Variants in SPMAP2L observed in about 807,000 individuals in gnomAD.
SPMAP2L encodes sperm microtubule associated protein 2-like.
chr4:56,549,442 T>C, the SPMAP2L span, among the ~76,000 whole-genome samples: 5 of 152,176 alleles, frequency 3.3e-5, no homozygotes, highest in Admixed American at 2.6e-4. Flanking sequence ...CCAATCTCCC[T>C]TGCCTCTAAT....
chr4:56,598,516 G>A, the SPMAP2L span, among the ~76,000 whole-genome samples: 1 of 152,094 alleles, frequency 6.6e-6, no homozygotes, highest in African/African-American at 2.4e-5. Flanking sequence ...CCTGGCCAGG[G>A]AAGATCTCCT....
chr4:56,561,446 C>T, the SPMAP2L span, among the ~76,000 whole-genome samples: 7 of 152,180 alleles, frequency 4.6e-5, no homozygotes, highest in East Asian at 1.9e-4. Flanking sequence ...GGCATCTGCT[C>T]GGCTTCTGGT....
At chr4:56,584,258 C>T in the SPMAP2L span, among the ~76,000 whole-genome samples, 1 of 152,122 alleles carries the variant, frequency 6.6e-6, no homozygotes, top group African/African-American at 2.4e-5. Flanking sequence ...TGTTGGGATG[C>T]CTGTTGGGAT....
chr4:56,617,232 T>C, the SPMAP2L span, among the ~76,000 whole-genome samples: 1 of 152,198 alleles, frequency 6.6e-6, no homozygotes, highest in African/African-American at 2.4e-5. Context: ...CTGGATACTG[T>C]AGGCAATTTT....
the SPMAP2L span, among the ~76,000 whole-genome samples, chr4:56,581,648 C>T: frequency 6.6e-6 from 1 of 151,850 alleles, no homozygotes; most frequent in East Asian, 1.9e-4. Flanking sequence ...TTCCAGCTTC[C>T]TTTTTTTCAT....
At chr4:56,596,743 G>T in the SPMAP2L span, 1 of 1,199,830 alleles carries the variant, frequency 8.3e-7, no homozygotes, top group Non-Finnish European at 1.1e-6. Context: ...AATCTGGGAA[G>T]AGTGGTCTGT....
At chr4:56,530,842 G>T in the SPMAP2L span, 49 of 1,535,204 alleles carry the variant, frequency 3.2e-5, no homozygotes, top group South Asian at 3.0e-4. Flanking sequence ...CGAGAAACAC[G>T]AGAATCCCGA....
the SPMAP2L span, chr4:56,594,103 C>A: frequency 6.2e-7 from 1 of 1,606,906 alleles, no homozygotes; most frequent in Non-Finnish European, 8.5e-7. Context: ...AAGATCTGGA[C>A]GATTTGTTGC....
At chr4:56,577,088 C>T in the SPMAP2L span, among the ~76,000 whole-genome samples, 2 of 150,212 alleles carry the variant, frequency 1.3e-5, no homozygotes, top group African/African-American at 5.1e-5. Context: ...GACTTCTGTG[C>T]TTTCAAATTA....
chr4:56,580,195 A>G, the SPMAP2L span, among the ~76,000 whole-genome samples: 1,038 of 152,250 alleles, frequency 6.8e-3, 14 homozygotes, highest in African/African-American at 0.024. Context: ...AGCAAACCAA[A>G]TCCAAATGTA....
the SPMAP2L span, among the ~76,000 whole-genome samples, chr4:56,550,274 C>T: frequency 6.6e-6 from 1 of 151,966 alleles, no homozygotes; most frequent in South Asian, 2.1e-4. Flanking sequence ...AGGTGTGAAC[C>T]ACCACACCTG....
the SPMAP2L span, chr4:56,548,648 A>G: frequency 2.3e-6 from 1 of 441,612 alleles, no homozygotes; most frequent in Non-Finnish European, 3.9e-6. Context: ...TTATTTTGGT[A>G]CATACTATGA....
the SPMAP2L span, among the ~76,000 whole-genome samples, chr4:56,567,166 G>T: frequency 1.3e-5 from 2 of 151,824 alleles, no homozygotes; most frequent in Non-Finnish European, 2.9e-5. Flanking sequence ...ATATTTACCG[G>T]CATTCTTACC....
At chr4:56,567,205 A>G in the SPMAP2L span, among the ~76,000 whole-genome samples, 2 of 151,926 alleles carry the variant, frequency 1.3e-5, no homozygotes, top group Admixed American at 1.3e-4. Context: ...TCCTTTGTGT[A>G]GATCTATTAA....
the SPMAP2L span, chr4:56,594,781 G>T: frequency 6.6e-7 from 1 of 1,522,058 alleles, no homozygotes; most frequent in Non-Finnish European, 9.1e-7. Flanking sequence ...TGTTTGAAGA[G>T]AACATCAGTG....
chr4:56,594,437 C>A, the SPMAP2L span: 62 of 1,604,042 alleles, frequency 3.9e-5, no homozygotes, highest in Non-Finnish European at 5.2e-5. Flanking sequence ...ATATCAGCAG[C>A]TTTTCTGAGA....
the SPMAP2L span, among the ~76,000 whole-genome samples, chr4:56,546,207 C>T: frequency 1.3e-5 from 2 of 152,186 alleles, no homozygotes; most frequent in East Asian, 3.9e-4. Flanking sequence ...GAGTGCTTTC[C>T]TTGTATTATT....
At chr4:56,580,761 T>A in the SPMAP2L span, among the ~76,000 whole-genome samples, 1 of 152,110 alleles carries the variant, frequency 6.6e-6, no homozygotes, top group Non-Finnish European at 1.5e-5. Context: ...ATAAAGACTA[T>A]TAGAGCTAAT....
chr4:56,622,092 C>A, the SPMAP2L span, among the ~76,000 whole-genome samples: 1 of 152,182 alleles, frequency 6.6e-6, no homozygotes, highest in South Asian at 2.1e-4. Flanking sequence ...GGGTAGGGAG[C>A]AGAGGTATAT....
Sources: gnomAD v4.1 joint callset for allele counts (sites outside exome capture counted in the v4.1 genomes callset) on GRCh38, gnomAD v4.1.1 for gene constraint, MANE v1.5 for transcripts, NCBI Gene and HGNC (gene_info 2026-07-23, HGNC 2026-07-21) for gene names.